The following CA8 variants were observed in gnomAD, a reference collection of about 807,000 sequenced individuals.
The protein encoded by CA8 is carbonic anhydrase-related protein.
Under a neutral mutation model 41.4 loss-of-function variants are expected in CA8, and 22 were observed. The observed-to-expected ratio is 0.53, with a 90% CI of 0.38 to 0.76. CA8 has a LOEUF of 0.76. Ranked by LOEUF, CA8 falls within the 30% of genes least tolerant of loss-of-function variation. The pLI, the probability that CA8 is intolerant of heterozygous loss-of-function variation, is 0.00. For synonymous variants in CA8, 121 were observed against 130.6 expected (o/e 0.93, Z 0.50); for missense variants, 270 against 352.8 (o/e 0.77, Z 1.88).
intron 4 of CA8, among the ~76,000 whole-genome samples, chr8:60,229,356 C>A (rs62511583): frequency 6.6e-6 from 1 of 152,090 alleles, no homozygotes; most frequent in Admixed American, 6.5e-5. Flanking sequence ...GGGAGACAGA[C>A]TGGGGTCCAT....
intron 5 of CA8, among the ~76,000 whole-genome samples, chr8:60,225,458 A>C (rs933263100): frequency 5.3e-5 from 8 of 152,182 alleles, no homozygotes; most frequent in African/African-American, 1.9e-4. Flanking sequence ...GAAATAAAGG[A>C]AATTTTCTCA....
chr8:60,247,192 T>C (rs1450308468), intron 3 of CA8, among the ~76,000 whole-genome samples: 1 of 152,172 alleles, frequency 6.6e-6, no homozygotes, highest in African/African-American at 2.4e-5. Flanking sequence ...CAATAACGGC[T>C]TTTACAGTGA....
intron 3 of CA8, among the ~76,000 whole-genome samples, chr8:60,258,338 T>C (rs1334358284): frequency 1.3e-5 from 2 of 152,232 alleles, no homozygotes; most frequent in African/African-American, 4.8e-5. Flanking sequence ...TTATCACAGA[T>C]ACATTTGTAT....
At chr8:60,280,943 T>G in intron 1 of CA8, 105 bp downstream of exon 1, 2 of 808,882 alleles carry the variant, frequency 2.5e-6, no homozygotes, top group Non-Finnish European at 4.2e-6. Context: ...AGAGGGGGCG[T>G]GGGGGTGCTC....
chr8:60,267,751 T>C (rs1803946007), intron 2 of CA8, among the ~76,000 whole-genome samples: 1 of 152,158 alleles, frequency 6.6e-6, no homozygotes, highest in African/African-American at 2.4e-5. Context: ...CAATGAATTA[T>C]CTAAGCCTAG....
At chr8:60,275,718 C>A (rs1007580810) in intron 2 of CA8, among the ~76,000 whole-genome samples, 33 of 152,008 alleles carry the variant, frequency 2.2e-4, no homozygotes, top group Non-Finnish European at 2.4e-4. Flanking sequence ...ACACAATTAT[C>A]TTGACTGGAA....
At chr8:60,215,376 C>A (rs1429092675) in intron 7 of CA8, among the ~76,000 whole-genome samples, 2 of 150,084 alleles carry the variant, frequency 1.3e-5, no homozygotes, top group African/African-American at 4.9e-5. Context: ...CACACACACA[C>A]ACACACACCG....
At chr8:60,279,971 A>C in intron 1 of CA8, 91 bp from the exon 2 acceptor site, 1 of 1,023,254 alleles carries the variant, frequency 9.8e-7, no homozygotes, top group Admixed American at 2.2e-5. Flanking sequence ...AGAACCCTTG[A>C]TATCATGAAG....
chr8:60,254,990 T>G (rs1347682643), intron 3 of CA8, among the ~76,000 whole-genome samples: 1 of 152,160 alleles, frequency 6.6e-6, no homozygotes, highest in Non-Finnish European at 1.5e-5. Flanking sequence ...TCCCAGAGCT[T>G]TGTCCTCTTG....
intron 3 of CA8, among the ~76,000 whole-genome samples, chr8:60,256,098 T>C (rs944517987): frequency 1.3e-5 from 2 of 152,042 alleles, no homozygotes; most frequent in Non-Finnish European, 2.9e-5. Flanking sequence ...TTAGTAGAGA[T>C]GGTGTTTCAC....
Position 60,186,424 on chromosome 8 carries a change from G to A in CA8, c.*3597C>T, listed in dbSNP as rs1805964720. On this transcript the variant is annotated 3_prime_UTR_variant, in exon 9 of 9. Coordinates refer to ENST00000317995, the MANE Select transcript of CA8 (RefSeq NM_004056.6). ...CAAAAAAATGAAAAAAATAATTAAA[G>A]CAATTGAAATATACTAGAAAATATT... Among the ~76,000 whole-genome samples, 1 of 149,888 alleles carries A rather than the reference G, an allele frequency of 6.7e-6. No individual in the cohort carries two copies. Among genetic ancestry groups the A allele is most frequent in the African/African-American group, 2.5e-5 (1 of 40,746 alleles).
At chr8:60,213,973 A>T (rs996172002) in intron 7 of CA8, among the ~76,000 whole-genome samples, 5 of 152,112 alleles carry the variant, frequency 3.3e-5, no homozygotes, top group African/African-American at 9.7e-5. Flanking sequence ...CCCAGAATAA[A>T]AGTTTAAGTT....
intron 7 of CA8, among the ~76,000 whole-genome samples, chr8:60,221,937 G>A (rs1807265492): frequency 6.6e-6 from 1 of 152,130 alleles, no homozygotes; most frequent in Non-Finnish European, 1.5e-5. Context: ...GCCTTTTGAG[G>A]TTGATCATGG....
At chr8:60,202,478 T>C (rs1223305850) in intron 8 of CA8, among the ~76,000 whole-genome samples, 2 of 152,202 alleles carry the variant, frequency 1.3e-5, no homozygotes, top group African/African-American at 4.8e-5. Context: ...CACACTGCAA[T>C]TTATTACAAA....
At chr8:60,254,465 T>C (rs1585909784) in intron 3 of CA8, among the ~76,000 whole-genome samples, 1 of 152,292 alleles carries the variant, frequency 6.6e-6, no homozygotes, top group Admixed American at 6.5e-5. Context: ...AACAGCAAGA[T>C]TGGGAACACA....
rs766318418 is a variant in CA8, at chr8:60,281,168, C to A, written c.-21G>T. ...GCCATGGGAAGGCCGCGGGGCCCCTCGGCGCTCTCGGCAGCAGTGCCTGCG... is the reference window on the plus strand; with the variant it reads ...GCCATGGGAAGGCCGCGGGGCCCCTAGGCGCTCTCGGCAGCAGTGCCTGCG... On this transcript the variant is annotated 5_prime_UTR_variant, in exon 1 of 9. Coordinates refer to ENST00000317995, the MANE Select transcript of CA8 (RefSeq NM_004056.6). 4 of 1,514,368 alleles carry A rather than the reference C, an allele frequency of 2.6e-6. No individual in the cohort carries two copies. The highest frequency in any genetic ancestry group is 1.2e-5 in the South Asian group (1 of 83,478). 93.8% of individuals were successfully genotyped at this position (1,514,368 alleles called of 1,614,324 possible).
chr8:60,220,688 T>C (rs1807212546), intron 7 of CA8, among the ~76,000 whole-genome samples: 1 of 152,204 alleles, frequency 6.6e-6, no homozygotes, highest in African/African-American at 2.4e-5. Context: ...CAGCTTGAGC[T>C]ATGGCGCCAG....
intron 4 of CA8, among the ~76,000 whole-genome samples, chr8:60,231,693 CTGAGT>C (rs1461969053): frequency 2.0e-5 from 3 of 152,162 alleles, no homozygotes; most frequent in African/African-American, 7.2e-5. Flanking sequence ...GCCTTAAAAA[CTGAGT>C]TAAGTTTTTA....
chr8:60,201,605 A>G (rs2130398667), intron 8 of CA8, among the ~76,000 whole-genome samples: 1 of 152,334 alleles, frequency 6.6e-6, no homozygotes, highest in Admixed American at 6.5e-5. Context: ...TGGTGAGGAA[A>G]AAAATGAACA....
Sources: allele counts gnomAD v4.1 joint callset (sites outside exome capture counted in the v4.1 genomes callset), GRCh38; gene constraint gnomAD v4.1.1; transcripts MANE v1.5; gene names NCBI Gene and HGNC (gene_info 2026-07-23, HGNC 2026-07-21).